DNAH8: variants seen among roughly 807,000 people sequenced by gnomAD.
The protein encoded by DNAH8 is axonemal beta dynein heavy chain 8.
DNAH8 carries 382 observed loss-of-function variants against 562.1 expected under a neutral mutation model. The observed-to-expected ratio is 0.68, with a 90% confidence interval of 0.63 to 0.74. The LOEUF is 0.74. Among genes scored for constraint, DNAH8 ranks in the 30% least tolerant of loss-of-function variants. The pLI is 0.00. For missense variants in DNAH8, 5,203 were observed against 5,620.4 expected, an observed-to-expected ratio of 0.93 and a Z score of 2.37; for synonymous variants, 1,881 against 1,919.4, an observed-to-expected ratio of 0.98 and a Z score of 0.52.
rs749306798 is a variant in DNAH8, at chr6:39,004,319, C to T, written c.13215-4495C>T. On this transcript the variant is annotated intron_variant, in intron 88 of 92. Transcript: ENST00000327475. ...TGACATTTCAGTATTTTAATTTTAT[C>T]TTTTATAATCCCACAATTAGACATA... 2.0e-4 allele frequency among the ~76,000 whole-genome samples: 31 copies of T among 152,154 alleles called. 1 individual carries two copies. Among genetic ancestry groups the T allele is most frequent in the Admixed American group, 1.3e-3 (20 of 15,278 alleles).
chr6:38,830,430 C>T (rs1738202), intron 30 of DNAH8, among the ~76,000 whole-genome samples: 26,482 of 151,212 alleles, frequency 0.18, 2,628 homozygotes, highest in East Asian at 0.28. Flanking sequence ...TTCAGGAGGT[C>T]GAGACCATCC....
intron 62 of DNAH8, among the ~76,000 whole-genome samples, chr6:38,900,288 C>T (rs1449628952): frequency 1.3e-5 from 2 of 152,208 alleles, no homozygotes; most frequent in East Asian, 3.8e-4. Context: ...TGAGATTCAT[C>T]CATGATGCTA....
At chr6:38,810,712 G>C (rs1771722185) in intron 24 of DNAH8, among the ~76,000 whole-genome samples, 1 of 152,108 alleles carries the variant, frequency 6.6e-6, no homozygotes, top group South Asian at 2.1e-4. Flanking sequence ...ATTCCTGTTT[G>C]ATGTTTTAGT....
chr6:38,978,946 T>A (rs562898456), intron 85 of DNAH8, among the ~76,000 whole-genome samples: 32 of 152,350 alleles, frequency 2.1e-4, no homozygotes, highest in African/African-American at 7.2e-4. Context: ...TGGACAGTCC[T>A]CTCCCTTCTG....
chr6:39,025,498 T>C (rs1370352613), intron 91 of DNAH8, among the ~76,000 whole-genome samples: 2 of 152,168 alleles, frequency 1.3e-5, no homozygotes, highest in Non-Finnish European at 2.9e-5. Flanking sequence ...TCTCCAAGTG[T>C]CTCATTTAAT....
At chr6:38,828,990 G>T (rs1363061901) in intron 30 of DNAH8, among the ~76,000 whole-genome samples, 1 of 152,008 alleles carries the variant, frequency 6.6e-6, no homozygotes, top group Non-Finnish European at 1.5e-5. Context: ...TACAATATAT[G>T]GTCTTTCGTA....
At chr6:38,877,309 G>A (rs1389647291) in intron 53 of DNAH8, among the ~76,000 whole-genome samples, 8 of 152,186 alleles carry the variant, frequency 5.3e-5, no homozygotes, top group Admixed American at 4.6e-4. Context: ...TCAAAAATAT[G>A]TATTGCCACA....
chr6:38,842,860 A>G lies in DNAH8; in HGVS notation c.4802A>G (p.Asn1601Ser), dbSNP rs896884432. ...DVESDSFCLR[N>S]IMEAPLLKHK... The stretch of plus-strand genomic sequence containing the variant: ...GAATCTGATTCTTTTTGCCTTAGAA[A>G]TATCATGGAAGCACCACTCCTTAAA... The change falls in exon 35 of 93, where the codon AAT becomes AGT. Residue 1601 changes from asparagine (N) to serine (S), a missense_variant. This residue lies in a region of DNAH8 where 2,176 missense variants were observed against 2,365.1 expected (regional missense o/e 0.92). Transcript: ENST00000327475. 1 of 1,613,778 alleles carries G rather than the reference A, an allele frequency of 6.2e-7. No homozygotes were observed. Among genetic ancestry groups the G allele is most frequent in the African/African-American group, 1.3e-5 (1 of 74,912 alleles).
In DNAH8 at chr6:38,823,507, A is replaced by G; in HGVS notation, c.3721-55A>G. ...GCAAATGCAATTTTCTAATGTAACT[A>G]TGGTAAGATTTATACTGTTAAAAAA... On this transcript the variant is annotated intron_variant, in intron 27 of 92. Coordinates refer to ENST00000327475, the MANE Select transcript of DNAH8 (RefSeq NM_001206927.2). The G allele has an allele frequency of 2.2e-6, 3 of 1,360,732 alleles. No individual in the cohort carries two copies. In the South Asian group the frequency reaches 3.7e-5, roughly 17 times the overall value. 84.3% of individuals were successfully genotyped at this position (1,360,732 alleles called of 1,614,324 possible).
At chr6:38,975,671 A>G (rs922077318) in intron 85 of DNAH8, among the ~76,000 whole-genome samples, 1 of 152,190 alleles carries the variant, frequency 6.6e-6, no homozygotes, top group African/African-American at 2.4e-5. Flanking sequence ...ACTAAGTTCC[A>G]TTGTGGCCTT....
chr6:38,890,671 C>T lies in DNAH8; in HGVS notation c.8493C>T (p.Tyr2831=). ...TTTCAGGAATTATTGGATGTGGATACTTTGATCCTTGTAGAAGTTTCAAGC... is the reference window on the plus strand; with the variant it reads ...TTTCAGGAATTATTGGATGTGGATATTTTGATCCTTGTAGAAGTTTCAAGC... ...DKIFGIIGCG[Y]FDPCRSFKPQ... is the part of the protein sequence containing the mutation. Residue 2831 remains tyrosine, a synonymous_variant, in exon 58 of 93, where the codon TAC becomes TAT. Transcript: ENST00000327475. 1 of 1,612,096 alleles carries T rather than the reference C, an allele frequency of 6.2e-7. No homozygotes were observed. Among genetic ancestry groups the T allele is most frequent in the Non-Finnish European group, 8.5e-7 (1 of 1,178,538 alleles).
At chr6:39,002,797 A>G (rs1477242765) in intron 88 of DNAH8, among the ~76,000 whole-genome samples, 3 of 152,186 alleles carry the variant, frequency 2.0e-5, no homozygotes, top group Non-Finnish European at 2.9e-5. Context: ...ATATGAAGCT[A>G]ATATTCCAAC....
Position 38,834,560 on chromosome 6 carries a change from AT to A in DNAH8, c.4303-17del. On this transcript the variant is annotated intron_variant, in intron 31 of 92. Transcript: ENST00000327475. ...CATATGATTAAGAATGAAAATGGAGATTATATTCTTCCTTACAGGAAGGACC... is the reference window on the plus strand; with the variant it reads ...CATATGATTAAGAATGAAAATGGAGATATATTCTTCCTTACAGGAAGGACC... The A allele has an allele frequency of 6.6e-7, 1 of 1,521,348 alleles. No individual in the cohort carries two copies. The highest frequency in any genetic ancestry group is 8.9e-7 in the Non-Finnish European group (1 of 1,118,002). 94.2% of individuals were successfully genotyped at this position (1,521,348 alleles called of 1,614,324 possible).
At chr6:38,836,290 T>C (rs1361013308) in intron 32 of DNAH8, among the ~76,000 whole-genome samples, 1 of 151,766 alleles carries the variant, frequency 6.6e-6, no homozygotes, top group Non-Finnish European at 1.5e-5. Context: ...AGGGGTGTGG[T>C]TGCTAATGTA....
chr6:38,724,822 C>T (rs2127567533), intron 3 of DNAH8, among the ~76,000 whole-genome samples: 1 of 152,228 alleles, frequency 6.6e-6, no homozygotes, highest in African/African-American at 2.4e-5. Flanking sequence ...GACCAGTGAG[C>T]AGGTGCAGAC....
chr6:38,950,329 T>C (rs1256812525), intron 81 of DNAH8, among the ~76,000 whole-genome samples: 2 of 152,062 alleles, frequency 1.3e-5, no homozygotes, highest in South Asian at 4.1e-4. Flanking sequence ...TTTCTAATGT[T>C]ATACACCTAA....
intron 88 of DNAH8, among the ~76,000 whole-genome samples, chr6:38,994,069 G>A (rs1009150690): frequency 2.0e-5 from 3 of 150,918 alleles, no homozygotes; most frequent in African/African-American, 7.3e-5. Context: ...TCAACAGAGC[G>A]CTGGTGAGGC....
chr6:38,749,692 G>C (rs1765260017), intron 8 of DNAH8, among the ~76,000 whole-genome samples: 1 of 152,200 alleles, frequency 6.6e-6, no homozygotes, highest in Non-Finnish European at 1.5e-5. Flanking sequence ...AAACTATACA[G>C]ATGAGCAGAG....
At chr6:38,789,737 G>T in intron 18 of DNAH8, 66 bp from the exon 19 acceptor site, 1 of 1,222,926 alleles carries the variant, frequency 8.2e-7, no homozygotes, top group Non-Finnish European at 1.2e-6. Flanking sequence ...TTCCTGGAAT[G>T]AATCAAAATG....
Sources: gnomAD v4.1 joint callset for allele counts (sites outside exome capture counted in the v4.1 genomes callset) on GRCh38, gnomAD v4.1.1 for gene constraint, gnomAD v4.1.1 regional missense constraint, MANE v1.5 for transcripts, NCBI Gene and HGNC (gene_info 2026-07-23, HGNC 2026-07-21) for gene names.